STT3A: variants seen among roughly 807,000 people sequenced by gnomAD.
STT3A encodes the protein dolichyl-diphosphooligosaccharide--protein glycosyltransferase subunit STT3A.
Under a neutral mutation model 89.2 loss-of-function variants are expected in STT3A, and 34 were observed. The ratio of observed to expected loss-of-function variants is 0.38; its 90% CI spans 0.29 to 0.51. STT3A has a LOEUF of 0.51. STT3A is among the 20% of genes least tolerant of loss of function. The pLI, the probability that STT3A is intolerant of heterozygous loss-of-function variation, is 0.89. For synonymous variants in STT3A, 282 were observed against 310.3 expected (o/e 0.91, Z 0.96); for missense variants, 555 against 889.5 (o/e 0.62, Z 4.78).
chr11:125,615,779 G>A (rs1036889874), intron 15 of STT3A, among the ~76,000 whole-genome samples: 13 of 152,196 alleles, frequency 8.5e-5, no homozygotes, highest in African/African-American at 1.4e-4. Context: ...GGCCGGGTGC[G>A]ATGGCTCATG....
intron 5 of STT3A, among the ~76,000 whole-genome samples, chr11:125,603,776 C>G (rs1939754635): frequency 6.6e-6 from 1 of 152,114 alleles, no homozygotes; most frequent in South Asian, 2.1e-4. Flanking sequence ...TTTGATTGTC[C>G]TTGCATGGCT....
chr11:125,604,083 T>G, intron 5 of STT3A, 74 bp from the exon 6 acceptor site: 1 of 1,464,720 alleles, frequency 6.8e-7, no homozygotes, highest in Non-Finnish European at 9.5e-7. Flanking sequence ...ATAAACAGAA[T>G]GGACTAGTGG....
chr11:125,601,913 C>T (rs1040613292), intron 3 of STT3A, among the ~76,000 whole-genome samples: 2 of 151,958 alleles, frequency 1.3e-5, no homozygotes, highest in Non-Finnish European at 2.9e-5. Context: ...ATTCTCCTGC[C>T]TCAGCCTCCT....
At chr11:125,619,914 A>C in intron 16 of STT3A, 97 bp from the exon 17 acceptor site, 1 of 1,035,842 alleles carries the variant, frequency 9.7e-7, no homozygotes, top group Non-Finnish European at 1.4e-6. Flanking sequence ...GCTGAGGAAT[A>C]ATCATCAATT....
In STT3A at chr11:125,614,881, T is replaced by C. The variant is rs897372258; in HGVS notation, c.1774+455T>C. On this transcript the variant is annotated intron_variant, in intron 15 of 17. Coordinates refer to ENST00000392708, the MANE Select transcript of STT3A (RefSeq NM_152713.5). The surrounding 1 kb of genome is among the most constrained non-coding windows in gnomAD (Gnocchi z 4.9). The stretch of plus-strand genomic sequence containing the variant: ...AGTGTGTGTAAAATGGAGGTTACCA[T>C]GTGCCCTATGATTATTGGCACAAAG... 3.9e-5 allele frequency among the ~76,000 whole-genome samples: 6 copies of C among 152,088 alleles called. No homozygotes were observed. Among genetic ancestry groups the C allele is most frequent in the Non-Finnish European group, 5.9e-5 (4 of 68,034 alleles).
intron 2 of STT3A, among the ~76,000 whole-genome samples, chr11:125,596,388 C>T (rs927604778): frequency 1.3e-5 from 2 of 152,154 alleles, no homozygotes; most frequent in Admixed American, 6.5e-5. Flanking sequence ...TCGCTCGAAC[C>T]TGGGAGGCAG....
chr11:125,594,682 G>A (rs911618447), intron 1 of STT3A, among the ~76,000 whole-genome samples: 2 of 151,274 alleles, frequency 1.3e-5, no homozygotes, highest in Non-Finnish European at 2.9e-5. Context: ...ATTCATATCT[G>A]TCATGTGATT....
chr11:125,602,176 T>A (rs923572290), intron 3 of STT3A, 127 bp from the exon 4 acceptor site: 3 of 1,121,214 alleles, frequency 2.7e-6, no homozygotes, highest in South Asian at 3.3e-5. Context: ...TAGTGTAAAA[T>A]GATTTTCATG....
At chr11:125,604,073 A>G in intron 5 of STT3A, 84 bp from the exon 6 acceptor site, 1 of 1,413,520 alleles carries the variant, frequency 7.1e-7, no homozygotes, top group South Asian at 1.2e-5. Context: ...TGGGCTCATT[A>G]TAAACAGAAT....
intron 3 of STT3A, among the ~76,000 whole-genome samples, chr11:125,599,495 C>T (rs1235255012): frequency 6.6e-6 from 1 of 152,180 alleles, no homozygotes; most frequent in Non-Finnish European, 1.5e-5. Flanking sequence ...CATGCAGCCT[C>T]AACTTCCTGG....
Position 125,614,997 on chromosome 11 carries a change from C to T in STT3A, c.1774+571C>T, listed in dbSNP as rs897627182. Among the ~76,000 whole-genome samples the T allele has an allele frequency of 6.6e-6, 1 of 152,044 alleles. No homozygotes were observed. The highest frequency in any genetic ancestry group is 1.5e-5 in the Non-Finnish European group (1 of 68,010). On this transcript the variant is annotated intron_variant, in intron 15 of 17. Coordinates refer to ENST00000392708, the MANE Select transcript of STT3A (RefSeq NM_152713.5). This position sits in a 1 kb window ranked among gnomAD's most constrained non-coding sequence, Gnocchi z 4.9. The stretch of plus-strand genomic sequence containing the variant: ...TTTAAAAAGTTAAGCAGTTCACAGC[C>T]GGGTGTGGTGGCTCACACCTGTAAT...
At chr11:125,619,216 A>ATT (rs879500878) in intron 16 of STT3A, among the ~76,000 whole-genome samples, 3 of 138,942 alleles carry the variant, frequency 2.2e-5, no homozygotes, top group African/African-American at 2.7e-5. Flanking sequence ...TCCCCAGCTA[A>ATT]TTTTTTTTTT....
chr11:125,614,482 T>C lies in STT3A; in HGVS notation c.1774+56T>C. The C allele has an allele frequency of 6.8e-7, 1 of 1,470,524 alleles. No individual in the cohort carries two copies. The highest frequency in any genetic ancestry group is 1.2e-5 in the South Asian group (1 of 84,608). The allele number at this position is 1,470,524 out of a possible 1,614,324, so 91.1% of individuals were successfully genotyped here. A position where few individuals can be genotyped will look rare whatever the true frequency, so the allele number is the denominator to read the frequency against. Reference sequence around the variant, plus strand: ...GGACATAGATTCTAAGAAAACTAGATGAATATCCTAGTTTTCTGTACTTTT... The same window carrying C: ...GGACATAGATTCTAAGAAAACTAGACGAATATCCTAGTTTTCTGTACTTTT... On this transcript the variant is annotated intron_variant, in intron 15 of 17. Transcript: ENST00000392708. This position sits in a 1 kb window ranked among gnomAD's most constrained non-coding sequence, Gnocchi z 4.9.
intron 3 of STT3A, among the ~76,000 whole-genome samples, chr11:125,600,430 G>C (rs1481170262): frequency 6.6e-6 from 1 of 151,890 alleles, no homozygotes; most frequent in Non-Finnish European, 1.5e-5. Context: ...GCATGATCAG[G>C]GCTCACTGAA....
intron 11 of STT3A, among the ~76,000 whole-genome samples, chr11:125,612,085 A>G (rs1263755372): frequency 6.6e-6 from 1 of 152,004 alleles, no homozygotes; most frequent in Non-Finnish European, 1.5e-5. Context: ...CATGTTCGTC[A>G]GGCTGATCTT....
intron 2 of STT3A, among the ~76,000 whole-genome samples, chr11:125,596,490 T>C (rs1939503114): frequency 6.6e-6 from 1 of 152,180 alleles, no homozygotes; most frequent in African/African-American, 2.4e-5. Context: ...GTGATCATCT[T>C]TGAAAGAATG....
At chr11:125,595,437 T>C (rs781488365) in intron 1 of STT3A, among the ~76,000 whole-genome samples, 43 of 152,108 alleles carry the variant, frequency 2.8e-4, no homozygotes, top group Middle Eastern at 3.2e-3. Context: ...CTTGCACTTC[T>C]GGTCTCAATG....
chr11:125,597,842 A>AATTTAC (rs1165742436), intron 3 of STT3A, among the ~76,000 whole-genome samples: 3 of 152,212 alleles, frequency 2.0e-5, no homozygotes, highest in African/African-American at 7.2e-5. Context: ...ATTTTGTTCC[A>AATTTAC]AGCACTAATT....
intron 4 of STT3A, 90 bp from the exon 5 acceptor site, chr11:125,602,711 CAT>C (rs1351404398): frequency 1.3e-6 from 2 of 1,522,996 alleles, no homozygotes; most frequent in African/African-American, 2.7e-5. Flanking sequence ...TCAAGACTTA[CAT>C]AGTCACTTTA....
Sources: gnomAD v4.1 joint callset for allele counts (sites outside exome capture counted in the v4.1 genomes callset) on GRCh38, gnomAD v4.1.1 for gene constraint, Gnocchi (gnomAD v3.1) non-coding constraint, MANE v1.5 for transcripts, NCBI Gene and HGNC (gene_info 2026-07-23, HGNC 2026-07-21) for gene names.